Variants in ADAM22 observed in about 807,000 individuals in gnomAD.
The protein encoded by ADAM22 is ADAM metallopeptidase domain 22.
A neutral mutation model predicts 144.6 loss-of-function variants in ADAM22; 65 were observed. The observed-to-expected ratio is 0.45, with a 90% CI of 0.37 to 0.55. ADAM22 has a LOEUF of 0.55. ADAM22 is among the 20% of genes least tolerant of loss of function. ADAM22 has a pLI of 0.00. For missense variants in ADAM22, 974 were observed against 1,184.9 expected, an observed-to-expected ratio of 0.82 and a Z score of 2.61; for synonymous variants, 391 against 412.6, an observed-to-expected ratio of 0.95 and a Z score of 0.63.
At chr7:88,065,909 T>A (rs1412259465) in intron 3 of ADAM22, among the ~76,000 whole-genome samples, 1 of 152,260 alleles carries the variant, frequency 6.6e-6, no homozygotes, top group East Asian at 1.9e-4. Context: ...AACTCTATGC[T>A]CACAGCCTTG....
rs1804889984 is a variant in ADAM22 at position 88,047,151 on chromosome 7, A to G, written c.324-28475A>G. 2.0e-5 allele frequency among the ~76,000 whole-genome samples: 3 copies of G among 152,332 alleles called. No individual in the cohort carries two copies. In the South Asian group the frequency reaches 6.2e-4, roughly 32 times the overall value. ...AATTGGCTGTTTATTTCTGTGATCT[A>G]TGGATGCATTTAAAATACCTAGTAC... is the stretch of plus-strand genomic sequence containing the variant. On this transcript the variant is annotated intron_variant, in intron 3 of 31. Coordinates refer to ENST00000413139, the MANE Select transcript of ADAM22 (RefSeq NM_001324418.2).
At chr7:88,064,579 G>A (rs904157925) in intron 3 of ADAM22, among the ~76,000 whole-genome samples, 1 of 152,114 alleles carries the variant, frequency 6.6e-6, no homozygotes, top group Non-Finnish European at 1.5e-5. Flanking sequence ...TTCAGTGTCT[G>A]GTAAGGGGTC....
chr7:88,009,509 C>T (rs1386276319), intron 3 of ADAM22, among the ~76,000 whole-genome samples: 3 of 152,058 alleles, frequency 2.0e-5, no homozygotes, highest in Non-Finnish European at 4.4e-5. Context: ...AGAAATCAGG[C>T]ATCATAATTT....
chr7:88,175,395 G>A (rs1395523966), intron 26 of ADAM22, among the ~76,000 whole-genome samples: 10 of 152,222 alleles, frequency 6.6e-5, no homozygotes, highest in Admixed American at 5.2e-4. Context: ...TCCTTACCTA[G>A]AGAATAGGAA....
At chr7:88,176,994 A>G (rs1370112294) in intron 26 of ADAM22, among the ~76,000 whole-genome samples, 2 of 152,068 alleles carry the variant, frequency 1.3e-5, no homozygotes, top group East Asian at 1.9e-4. Flanking sequence ...CCAACTCCCA[A>G]CCTCAAGTGA....
At chr7:88,070,067 GT>G (rs750502289) in intron 3 of ADAM22, among the ~76,000 whole-genome samples, 1 of 152,046 alleles carries the variant, frequency 6.6e-6, no homozygotes, top group Non-Finnish European at 1.5e-5. Context: ...ACTATAAAGA[GT>G]TTGAACTGAC....
chr7:87,955,858 C>G (rs1221492377), intron 2 of ADAM22, among the ~76,000 whole-genome samples: 1 of 152,214 alleles, frequency 6.6e-6, no homozygotes, highest in African/African-American at 2.4e-5. Flanking sequence ...AGCCTCGCTG[C>G]TGCCTTGCAG....
chr7:88,126,664 G>T (rs1830489898), intron 8 of ADAM22, among the ~76,000 whole-genome samples: 1 of 151,740 alleles, frequency 6.6e-6, no homozygotes, highest in African/African-American at 2.4e-5. Flanking sequence ...TTATTTTTTG[G>T]CAGGGGGAGG....
At chr7:88,035,622 A>G (rs1386610884) in intron 3 of ADAM22, among the ~76,000 whole-genome samples, 1 of 152,204 alleles carries the variant, frequency 6.6e-6, no homozygotes, top group Non-Finnish European at 1.5e-5. Flanking sequence ...TGTTCTTGTT[A>G]TTATTCTCTA....
intron 4 of ADAM22, among the ~76,000 whole-genome samples, chr7:88,079,147 C>A (rs1232456606): frequency 1.3e-5 from 2 of 152,150 alleles, no homozygotes; most frequent in Non-Finnish European, 2.9e-5. Context: ...CAGCTGATCT[C>A]TTGGCAGAAA....
chr7:87,934,457 G>T lies in ADAM22; in HGVS notation c.-9G>T. On this transcript the variant is annotated 5_prime_UTR_variant, in exon 1 of 32. Coordinates refer to ENST00000413139, the MANE Select transcript of ADAM22 (RefSeq NM_001324418.2). Reference sequence around the variant, plus strand: ...AGCGTCTCGGGCGAGGCGGGCTGACGGCAGCACCATGCAGGCGGCAGTGGC... The same window carrying T: ...AGCGTCTCGGGCGAGGCGGGCTGACTGCAGCACCATGCAGGCGGCAGTGGC... 1 of 1,588,340 alleles carries T rather than the reference G, an allele frequency of 6.3e-7. No individual in the cohort carries two copies.
At chr7:87,935,319 A>G (rs1207770841) in intron 2 of ADAM22, 133 bp downstream of exon 2, 2 of 1,028,236 alleles carry the variant, frequency 1.9e-6, no homozygotes, top group Admixed American at 2.9e-5. Flanking sequence ...CGAGTCATGC[A>G]TGGCGCTCCC....
At position 88,068,306 on chromosome 7, in the gene ADAM22, A is replaced by G. The variant is rs534773631; in HGVS notation, c.324-7320A>G. ...TAATTTGTTATTCCTCTTAAATGAA[A>G]TAATGAAATTTGGATCCTTAAAGCT... is the stretch of plus-strand genomic sequence containing the variant. On this transcript the variant is annotated intron_variant, in intron 3 of 31. Coordinates refer to ENST00000413139, the MANE Select transcript of ADAM22 (RefSeq NM_001324418.2). 1.3e-4 allele frequency among the ~76,000 whole-genome samples: 20 copies of G among 152,270 alleles called. No homozygotes were observed. In the South Asian group the frequency reaches 3.9e-3, roughly 30 times the overall value.
At chr7:88,004,323 G>A (rs537851177) in intron 3 of ADAM22, among the ~76,000 whole-genome samples, 53 of 152,126 alleles carry the variant, frequency 3.5e-4, no homozygotes, top group Non-Finnish European at 6.2e-4. Flanking sequence ...AGCATCTTTT[G>A]GACCATAGTT....
intron 14 of ADAM22, among the ~76,000 whole-genome samples, chr7:88,137,098 C>T (rs1229533338): frequency 6.6e-6 from 1 of 152,088 alleles, no homozygotes; most frequent in Non-Finnish European, 1.5e-5. Flanking sequence ...TATACTTTTA[C>T]TGTATAGTAT....
chr7:88,195,948 G>T (rs1850596547), intron 31 of ADAM22, among the ~76,000 whole-genome samples: 1 of 152,126 alleles, frequency 6.6e-6, no homozygotes, highest in South Asian at 2.1e-4. Flanking sequence ...CTGCACAAGG[G>T]AATCATCTGC....
chr7:88,132,229 T>TTA, intron 11 of ADAM22: 1 of 152,158 alleles, frequency 6.6e-6, no homozygotes, highest in South Asian at 2.1e-4. Context: ...TAGTATATAT[T>TTA]CTCTAAGAGT....
intron 3 of ADAM22, among the ~76,000 whole-genome samples, chr7:88,054,588 C>CTGTG (rs58027941): frequency 0.015 from 1,991 of 132,260 alleles, 41 homozygotes; most frequent in Middle Eastern, 0.023. Context: ...AGGTGCCCTC[C>CTGTG]TGTGTGTGTG....
At position 87,953,419 on chromosome 7, in the gene ADAM22, C is replaced by T. The variant is rs573296653; in HGVS notation, c.246+18233C>T. On this transcript the variant is annotated intron_variant, in intron 2 of 31. Coordinates refer to ENST00000413139, the MANE Select transcript of ADAM22 (RefSeq NM_001324418.2). Reference sequence around the variant, plus strand: ...TATGTATCCAGTAGTCATTCAGGAGCAGGTTGTTCAGTTTCCATGTAGTTG... The same window carrying T: ...TATGTATCCAGTAGTCATTCAGGAGTAGGTTGTTCAGTTTCCATGTAGTTG... Among the ~76,000 whole-genome samples, 102 of 152,262 alleles carry T rather than the reference C, an allele frequency of 6.7e-4. 1 individual carries two copies. The highest frequency in any genetic ancestry group is 2.4e-3 in the African/African-American group (101 of 41,548).
Sources: gnomAD v4.1 joint callset for allele counts (sites outside exome capture counted in the v4.1 genomes callset) on GRCh38, gnomAD v4.1.1 for gene constraint, MANE v1.5 for transcripts, NCBI Gene and HGNC (gene_info 2026-07-23, HGNC 2026-07-21) for gene names.